The following OSBP2 variants were observed in gnomAD, a reference collection of about 807,000 sequenced individuals.
OSBP2 encodes oxysterol-binding protein 2.
In OSBP2, 66 loss-of-function variants were observed where a neutral mutation model predicts 96.0. The observed-to-expected ratio is 0.69, with a 90% CI of 0.56 to 0.84. The LOEUF (loss-of-function observed/expected upper bound fraction) is 0.84. Among genes scored for constraint, OSBP2 ranks in the 40% least tolerant of loss-of-function variants. OSBP2 has a pLI of 0.00. For synonymous variants in OSBP2, 525 were observed against 520.9 expected, an observed-to-expected ratio of 1.01 and a Z score of -0.11; for missense variants, 1,038 against 1,222.7, an observed-to-expected ratio of 0.85 and a Z score of 2.25.
Position 30,893,427 on chromosome 22 carries a change from G to T in OSBP2, c.1991-36G>T, listed in dbSNP as rs769049059. ...GGCAGACTGGCCAGAGCCCTGCATG[G>T]GGGGGCATGACCTCTGACCTGTCCC... On this transcript the variant is annotated intron_variant, in intron 9 of 13. Coordinates refer to ENST00000332585, the MANE Select transcript of OSBP2 (RefSeq NM_030758.4). 5 of 1,575,522 alleles carry T rather than the reference G, an allele frequency of 3.2e-6. No homozygotes were observed. Among genetic ancestry groups the T allele is most frequent in the African/African-American group, 1.3e-5 (1 of 74,288 alleles).
intron 2 of OSBP2, among the ~76,000 whole-genome samples, chr22:30,757,145 C>T (rs557597859): frequency 1.7e-4 from 26 of 152,166 alleles, no homozygotes; most frequent in Non-Finnish European, 3.7e-4. Context: ...CTTTCTCTCC[C>T]ATCTCCCAGG....
intron 2 of OSBP2, among the ~76,000 whole-genome samples, chr22:30,820,191 G>A (rs1036144354): frequency 1.3e-5 from 2 of 151,940 alleles, no homozygotes; most frequent in African/African-American, 4.8e-5. Flanking sequence ...CCCAGCCTAG[G>A]CAACAAAGCA....
chr22:30,847,704 G>T (rs186839459), intron 2 of OSBP2, among the ~76,000 whole-genome samples: 18 of 152,212 alleles, frequency 1.2e-4, no homozygotes, highest in Non-Finnish European at 5.9e-5. Flanking sequence ...TTATGAGTGA[G>T]TTTTGGTATG....
intron 3 of OSBP2, among the ~76,000 whole-genome samples, chr22:30,883,603 T>C (rs890857358): frequency 6.6e-6 from 1 of 152,162 alleles, no homozygotes; most frequent in African/African-American, 2.4e-5. Flanking sequence ...CCAGGTAGGA[T>C]GTTAGAGCAA....
chr22:30,694,929 C>A lies in OSBP2; in HGVS notation c.20C>A (p.Pro7Gln). 1 of 1,487,436 alleles carries A rather than the reference C, an allele frequency of 6.7e-7. No homozygotes were observed. The highest frequency in any genetic ancestry group is 8.9e-7 in the Non-Finnish European group (1 of 1,128,222). The allele number at this position is 1,487,436 out of a possible 1,614,324, so 92.1% of individuals were successfully genotyped here. Reference sequence around the variant, plus strand: ...GGCTCTATGGGGAAAGCGGCGGCTCCGAGCCGAGGCGGCGGCTGTGGCGGC... The same window carrying A: ...GGCTCTATGGGGAAAGCGGCGGCTCAGAGCCGAGGCGGCGGCTGTGGCGGC... MGKAAA[P>Q]SRGGGCGGRS... Residue 7 changes from proline (P) to glutamine (Q), a missense_variant, in exon 1 of 14, where the codon CCG (proline) becomes CAG (glutamine). Transcript: ENST00000332585.
chr22:30,890,773 GACCTGGAGTACC>G lies in OSBP2; in HGVS notation c.1673_1684del (p.Leu558_His561del). 1 of 1,613,344 alleles carries G rather than the reference GACCTGGAGTACC, an allele frequency of 6.2e-7. No individual in the cohort carries two copies. Among genetic ancestry groups the G allele is most frequent in the South Asian group, 1.1e-5 (1 of 91,078 alleles). On this transcript the variant is annotated inframe_deletion, in exon 8 of 14. Transcript: ENST00000332585. The surrounding 1 kb of genome is among the most constrained non-coding windows in gnomAD (Gnocchi z 4.4). ...GTCCATGCTCCAGCGGCTGACAGAG[GACCTGGAGTACC>G]ACCACCTGCTGGACAAGGCAGTGCA...
chr22:30,801,181 C>A (rs1477144009), intron 2 of OSBP2, among the ~76,000 whole-genome samples: 1 of 152,120 alleles, frequency 6.6e-6, no homozygotes, highest in African/African-American at 2.4e-5. Context: ...ATACCTGCAA[C>A]CATTGCAACA....
chr22:30,849,462 T>C (rs1185347523), intron 2 of OSBP2, among the ~76,000 whole-genome samples: 2 of 152,218 alleles, frequency 1.3e-5, no homozygotes, highest in African/African-American at 4.8e-5. Context: ...TGGTATCTCA[T>C]TACGGTTTTA....
In OSBP2 at chr22:30,705,366, T is replaced by A. The variant is rs377524568; in HGVS notation, c.644+9813T>A. 1.6e-4 allele frequency among the ~76,000 whole-genome samples: 24 copies of A among 152,190 alleles called. No individual in the cohort carries two copies. In the East Asian group the frequency reaches 4.6e-3, roughly 29 times the overall value. On this transcript the variant is annotated intron_variant, in intron 1 of 13. Coordinates refer to ENST00000332585, the MANE Select transcript of OSBP2 (RefSeq NM_030758.4). ...TGGAGTGCAGTGGCGCGATCTCAGC[T>A]CACCGCAACCTCCGCCTCCCGGGTT...
At chr22:30,853,851 CG>C (rs1569150947) in intron 2 of OSBP2, among the ~76,000 whole-genome samples, 1 of 151,770 alleles carries the variant, frequency 6.6e-6, no homozygotes, top group African/African-American at 2.4e-5. Context: ...TCTGCCTCCT[CG>C]GGGTTCAAGC....
intron 2 of OSBP2, among the ~76,000 whole-genome samples, chr22:30,802,751 C>T (rs2090869214): frequency 6.6e-6 from 1 of 152,232 alleles, no homozygotes; most frequent in South Asian, 2.1e-4. Flanking sequence ...CGGCTCTCAT[C>T]GCTCTCCGAG....
Position 30,893,541 on chromosome 22 carries a change from T to C in OSBP2, c.2069T>C (p.Ile690Thr). ...AGCACCTCAACTGTTCACAACATCATCGTGGGCAAGCTCTGGATCGACCAG... is the reference window on the plus strand; with the variant it reads ...AGCACCTCAACTGTTCACAACATCACCGTGGGCAAGCTCTGGATCGACCAG... ...RKSTSTVHNI[I>T]VGKLWIDQSG... The change falls in exon 10 of 14, where the codon ATC (isoleucine) becomes ACC (threonine). Residue 690 changes from isoleucine (I) to threonine (T), a missense_variant. This residue lies in a region of OSBP2 where 737 missense variants were observed against 913.3 expected (regional missense o/e 0.81). Transcript: ENST00000332585. 1 of 1,614,120 alleles carries C rather than the reference T, an allele frequency of 6.2e-7. No individual in the cohort carries two copies. Among genetic ancestry groups the C allele is most frequent in the Non-Finnish European group, 8.5e-7 (1 of 1,180,008 alleles).
chr22:30,749,796 C>T (rs147794931), intron 2 of OSBP2, among the ~76,000 whole-genome samples: 37 of 152,100 alleles, frequency 2.4e-4, no homozygotes, highest in African/African-American at 8.7e-4. Context: ...TTAGTAGAGA[C>T]GAGGTTTTGC....
chr22:30,715,067 A>G (rs1431124494), intron 1 of OSBP2, among the ~76,000 whole-genome samples: 1 of 146,150 alleles, frequency 6.8e-6, no homozygotes, highest in Middle Eastern at 3.5e-3. Context: ...TTTTTTTTTT[A>G]ATTTTATTTT....
At chr22:30,777,534 GT>G (rs2090452780) in intron 2 of OSBP2, among the ~76,000 whole-genome samples, 2 of 152,164 alleles carry the variant, frequency 1.3e-5, no homozygotes, top group Non-Finnish European at 2.9e-5. Context: ...AAGTCTCCCA[GT>G]CTTGGATATG....
chr22:30,876,806 T>G (rs778873917), intron 3 of OSBP2, among the ~76,000 whole-genome samples: 2 of 152,162 alleles, frequency 1.3e-5, no homozygotes, highest in Non-Finnish European at 2.9e-5. Context: ...AGACCAAGGC[T>G]GAGGGGCTCA....
intron 12 of OSBP2, chr22:30,902,681 C>T (rs9621131): frequency 0.011 from 5,835 of 550,720 alleles, 218 homozygotes; most frequent in African/African-American, 0.087. Context: ...GCTTAAACCT[C>T]GAATGTTGTG....
intron 12 of OSBP2, chr22:30,902,110 GAAAAAAAAA>G (rs60499517): frequency 0.42 from 85,524 of 204,886 alleles, 10,843 homozygotes; most frequent in East Asian, 0.54. Flanking sequence ...AGCAATATAA[GAAAAAAAAA>G]AAAAACGAAA....
At chr22:30,703,899 C>T (rs1013125295) in intron 1 of OSBP2, among the ~76,000 whole-genome samples, 1 of 152,226 alleles carries the variant, frequency 6.6e-6, no homozygotes, top group Non-Finnish European at 1.5e-5. Context: ...CTGGATAATA[C>T]AACCTTTTGT....
Sources: allele counts gnomAD v4.1 joint callset (sites outside exome capture counted in the v4.1 genomes callset), GRCh38; gene constraint gnomAD v4.1.1; regional missense constraint gnomAD v4.1.1; non-coding constraint Gnocchi (gnomAD v3.1); transcripts MANE v1.5; gene names NCBI Gene and HGNC (gene_info 2026-07-23, HGNC 2026-07-21).